The following ZDHHC20 variants were observed in gnomAD, a reference collection of about 807,000 sequenced individuals.
The protein encoded by ZDHHC20 is zDHHC palmitoyltransferase 20, also known as palmitoyltransferase ZDHHC20.
Under a neutral mutation model 57.8 loss-of-function variants are expected in ZDHHC20, and 43 were observed. The ratio of observed to expected loss-of-function variants is 0.74; its 90% CI spans 0.58 to 0.96. The LOEUF is 0.96. ZDHHC20 is among the 40% of genes least tolerant of loss of function. The pLI is 0.00. For missense variants in ZDHHC20, 391 were observed against 441.1 expected (o/e 0.89, Z 1.02); for synonymous variants, 157 against 153.0 (o/e 1.03, Z -0.19).
intron 3 of ZDHHC20, among the ~76,000 whole-genome samples, chr13:21,416,376 G>C (rs964419156): frequency 6.6e-6 from 1 of 152,112 alleles, no homozygotes; most frequent in Non-Finnish European, 1.5e-5. Flanking sequence ...CAAAACTAGT[G>C]AACAGAATTC....
In ZDHHC20 at chr13:21,375,268, G is replaced by T; in HGVS notation, c.*1428C>A. Reference sequence around the variant, plus strand: ...TGCAGTCCCATTTTACAGACAGGAAGCTCCAACCTGTAGTACTCACAGATG... The same window carrying T: ...TGCAGTCCCATTTTACAGACAGGAATCTCCAACCTGTAGTACTCACAGATG... On this transcript the variant is annotated 3_prime_UTR_variant, in exon 13 of 13. Transcript: ENST00000400590. 2 of 432,780 alleles carry T rather than the reference G, an allele frequency of 4.6e-6. No homozygotes were observed. Among genetic ancestry groups the T allele is most frequent in the East Asian group, 7.0e-5 (1 of 14,276 alleles). 26.8% of individuals were successfully genotyped at this position (432,780 alleles called of 1,614,324 possible).
At position 21,374,387 on chromosome 13, in the gene ZDHHC20, G is replaced by A; in HGVS notation, c.*2309C>T. ...CTACAGGCGTGTGCCACCATGCCTG[G>A]ACAGTTTTGGGGTTTTTTTGTATTT... On this transcript the variant is annotated 3_prime_UTR_variant, in exon 13 of 13. Transcript: ENST00000400590. 2 of 455,740 alleles carry A rather than the reference G, an allele frequency of 4.4e-6. No individual in the cohort carries two copies. The highest frequency in any genetic ancestry group is 8.8e-6 in the Non-Finnish European group (2 of 226,576). 28.2% of individuals were successfully genotyped at this position (455,740 alleles called of 1,614,324 possible).
At chr13:21,434,325 G>C (rs978476043) in intron 1 of ZDHHC20, among the ~76,000 whole-genome samples, 1 of 139,990 alleles carries the variant, frequency 7.1e-6, no homozygotes, top group East Asian at 1.9e-4. Context: ...CAATAATCTC[G>C]AGATAATGAC....
At chr13:21,441,330 T>C (rs1019945060) in intron 1 of ZDHHC20, among the ~76,000 whole-genome samples, 1 of 151,894 alleles carries the variant, frequency 6.6e-6, no homozygotes, top group African/African-American at 2.4e-5. Context: ...TTCTAAGGTA[T>C]TTTCTCTTTT....
intron 1 of ZDHHC20, among the ~76,000 whole-genome samples, chr13:21,427,232 T>C (rs1273248337): frequency 2.0e-5 from 3 of 152,212 alleles, no homozygotes; most frequent in African/African-American, 4.8e-5. Context: ...TGTGGAATCA[T>C]GTCTTAGAAT....
intron 1 of ZDHHC20, among the ~76,000 whole-genome samples, chr13:21,455,402 C>A (rs1388005182): frequency 6.6e-6 from 1 of 152,100 alleles, no homozygotes; most frequent in Non-Finnish European, 1.5e-5. Context: ...GCACTTGCCT[C>A]AAAAATAACC....
chr13:21,377,659 G>A (rs866888283), intron 12 of ZDHHC20: 1 of 170,600 alleles, frequency 5.9e-6, no homozygotes, highest in African/African-American at 3.6e-5. Context: ...GACTCTGCCC[G>A]ACGTGACCTC....
chr13:21,438,149 C>A (rs2137989535), intron 1 of ZDHHC20, among the ~76,000 whole-genome samples: 1 of 152,316 alleles, frequency 6.6e-6, no homozygotes, highest in South Asian at 2.1e-4. Flanking sequence ...GCTAACACAT[C>A]TATTCTGCAG....
chr13:21,375,319 C>T lies in ZDHHC20; in HGVS notation c.*1377G>A, dbSNP rs1347176175. 2.7e-6 allele frequency: 1 copy of T among 371,126 alleles called. No homozygotes were observed. The highest frequency in any genetic ancestry group is 5.3e-6 in the Non-Finnish European group (1 of 188,990). 23.0% of individuals were successfully genotyped at this position (371,126 alleles called of 1,614,324 possible). A position where few individuals can be genotyped will look rare whatever the true frequency, so the allele number is the denominator to read the frequency against. ...CTGCTGAGATTCATCTCCACCCACT[C>T]ACTGGAAGCAATCAATTATTTTGGG... On this transcript the variant is annotated 3_prime_UTR_variant, in exon 13 of 13. Transcript: ENST00000400590.
intron 4 of ZDHHC20, among the ~76,000 whole-genome samples, chr13:21,404,105 G>C (rs574492229): frequency 1.3e-5 from 2 of 152,266 alleles, no homozygotes; most frequent in Non-Finnish European, 2.9e-5. Context: ...TAAAACACTA[G>C]GAATAACTTG....
At chr13:21,377,681 C>T (rs1383985710) in intron 12 of ZDHHC20, 1 of 215,396 alleles carries the variant, frequency 4.6e-6, no homozygotes, top group Admixed American at 6.1e-5. Context: ...ACCCCTAGTG[C>T]CTGTGATCTG....
chr13:21,395,630 T>G lies in ZDHHC20; in HGVS notation c.595-3776A>C, dbSNP rs547434932. On this transcript the variant is annotated intron_variant, in intron 7 of 12. Coordinates refer to ENST00000400590, the MANE Select transcript of ZDHHC20 (RefSeq NM_001330059.2). Reference sequence around the variant, plus strand: ...GATTCTCCTGCCTCAGCCTCCCAAGTAGCTGGGACTACAGGTGCGTGCCAC... The same window carrying G: ...GATTCTCCTGCCTCAGCCTCCCAAGGAGCTGGGACTACAGGTGCGTGCCAC... Among the ~76,000 whole-genome samples the G allele has an allele frequency of 3.3e-5, 5 of 151,672 alleles. No homozygotes were observed. The South Asian group carries it at 1.0e-3, about 32-fold the overall frequency.
chr13:21,401,514 T>C, intron 6 of ZDHHC20, 139 bp downstream of exon 6: 1 of 692,982 alleles, frequency 1.4e-6, no homozygotes, highest in Non-Finnish European at 2.4e-6. Context: ...ACTGTTTACA[T>C]ACAAATCTAT....
intron 1 of ZDHHC20, among the ~76,000 whole-genome samples, chr13:21,444,476 T>C (rs1052090257): frequency 5.9e-5 from 9 of 152,228 alleles, no homozygotes; most frequent in African/African-American, 1.7e-4. Flanking sequence ...ACTTTGATAT[T>C]AGAATATCCT....
intron 1 of ZDHHC20, among the ~76,000 whole-genome samples, chr13:21,443,381 C>CT (rs1468867955): frequency 3.9e-5 from 6 of 152,190 alleles, no homozygotes; most frequent in South Asian, 2.1e-4. Context: ...TGAGGATGAA[C>CT]AAAGAGCCTG....
intron 1 of ZDHHC20, among the ~76,000 whole-genome samples, chr13:21,434,297 T>C (rs1213534320): frequency 1.3e-5 from 2 of 152,124 alleles, no homozygotes; most frequent in Non-Finnish European, 2.9e-5. Flanking sequence ...AGAATTAGAA[T>C]ACCCCATATT....
chr13:21,401,903 C>T (rs1252890601), intron 5 of ZDHHC20, among the ~76,000 whole-genome samples: 1 of 152,142 alleles, frequency 6.6e-6, no homozygotes, highest in Non-Finnish European at 1.5e-5. Context: ...TGAACATATT[C>T]AGCTGCCTTA....
At position 21,413,684 on chromosome 13, in the gene ZDHHC20, G is replaced by A. The variant is rs151151710; in HGVS notation, c.338C>T (p.Ala113Val). 9.4e-4 allele frequency: 1,509 copies of A among 1,610,162 alleles called. 18 individuals carry two copies. The African/African-American group carries it at 0.018, about 19-fold the overall frequency. Residue 113 changes from alanine (A) to valine (V), a missense_variant, in exon 4 of 13, where the codon GCT becomes GTT. Physicochemically the swap from Ala to Val is moderately conservative, Grantham distance 64. Around this residue, in one of 3 missense-constraint regions of ZDHHC20, gnomAD observed 185 missense variants for 188.0 expected, o/e 0.98. Transcript: ENST00000400590. ...QQEILRRAAR[A>V]LPIYTTSASK... ...AGCTGATGTGGTATAGATAGGTAAA[G>A]CTCTTGCTGCTCTTCTCAAAATTTC... is the stretch of plus-strand genomic sequence containing the variant.
intron 6 of ZDHHC20, among the ~76,000 whole-genome samples, chr13:21,401,367 A>C (rs1209886805): frequency 6.6e-6 from 1 of 152,206 alleles, no homozygotes; most frequent in Non-Finnish European, 1.5e-5. Context: ...GTCATCTGGG[A>C]AGTTGAGTGG....
Sources: gnomAD v4.1 joint callset for allele counts (sites outside exome capture counted in the v4.1 genomes callset) on GRCh38, gnomAD v4.1.1 for gene constraint, gnomAD v4.1.1 regional missense constraint, MANE v1.5 for transcripts, NCBI Gene and HGNC (gene_info 2026-07-23, HGNC 2026-07-21) for gene names.